The following WDR7 variants were observed in gnomAD, a reference collection of about 807,000 sequenced individuals.
WDR7 encodes the protein WD repeat domain 7.
WDR7 carries 46 observed loss-of-function variants against 169.4 expected under a neutral mutation model. The observed-to-expected ratio is 0.27, with a 90% CI of 0.21 to 0.35. The LOEUF is 0.35. Among genes scored for constraint, WDR7 ranks in the 10% least tolerant of loss-of-function variants. The pLI is 1.00. For missense variants in WDR7, 1,534 were observed against 1,859.3 expected (o/e 0.83, Z 3.22); for synonymous variants, 612 against 666.8 (o/e 0.92, Z 1.27).
intron 22 of WDR7, among the ~76,000 whole-genome samples, chr18:56,929,048 G>A: frequency 6.6e-6 from 1 of 152,142 alleles, no homozygotes; most frequent in East Asian, 1.9e-4. Flanking sequence ...ACTCTGGGAG[G>A]CTGAGGCAGG....
intron 19 of WDR7, among the ~76,000 whole-genome samples, chr18:56,793,420 G>A (rs1440811113): frequency 2.0e-5 from 3 of 152,174 alleles, no homozygotes; most frequent in African/African-American, 7.2e-5. Flanking sequence ...AGTTAAATCT[G>A]TTAATTTGGT....
chr18:56,966,465 TCTTC>T (rs1382031325), intron 26 of WDR7, among the ~76,000 whole-genome samples: 4 of 152,108 alleles, frequency 2.6e-5, no homozygotes, highest in African/African-American at 9.7e-5. Context: ...ATAGATTTTC[TCTTC>T]CTTATGATTT....
intron 9 of WDR7, among the ~76,000 whole-genome samples, chr18:56,694,071 C>T (rs1396645878): frequency 6.6e-6 from 1 of 151,474 alleles, no homozygotes; most frequent in Non-Finnish European, 1.5e-5. Context: ...CAGGATTTCG[C>T]TTAGTTGTCC....
intron 21 of WDR7, among the ~76,000 whole-genome samples, chr18:56,899,938 A>G (rs2046378156): frequency 6.6e-6 from 1 of 151,904 alleles, no homozygotes; most frequent in Non-Finnish European, 1.5e-5. Context: ...TGCATTATTT[A>G]TGTGTGCCTA....
intron 20 of WDR7, among the ~76,000 whole-genome samples, chr18:56,874,990 C>A: frequency 6.6e-6 from 1 of 152,124 alleles, no homozygotes; most frequent in East Asian, 1.9e-4. Flanking sequence ...TTATTAGATT[C>A]TTTATAATAT....
chr18:57,006,766 T>C (rs1230458332), intron 26 of WDR7, among the ~76,000 whole-genome samples: 1 of 152,190 alleles, frequency 6.6e-6, no homozygotes, highest in Non-Finnish European at 1.5e-5. Flanking sequence ...ATACAGAGAC[T>C]AATTGAAATT....
At chr18:56,733,515 A>G (rs1808346) in intron 14 of WDR7, among the ~76,000 whole-genome samples, 139,674 of 152,242 alleles carry the variant, frequency 0.92, 65,257 homozygotes, top group East Asian at 1. Context: ...AATGGAAAGC[A>G]AAGCCTGTAT....
downstream of WDR7, chr18:57,033,624 G>T (rs756821400): frequency 5.9e-5 from 9 of 152,134 alleles, no homozygotes; most frequent in Non-Finnish European, 1.3e-4. Flanking sequence ...CCTACTCCTG[G>T]ATTCTACTGT....
At chr18:56,986,625 C>G (rs1014967547) in intron 26 of WDR7, among the ~76,000 whole-genome samples, 1 of 151,896 alleles carries the variant, frequency 6.6e-6, no homozygotes, top group African/African-American at 2.4e-5. Flanking sequence ...CTGTACAGAA[C>G]CCCAGACAAC....
intron 20 of WDR7, among the ~76,000 whole-genome samples, chr18:56,841,544 TAA>T (rs760187510): frequency 2.1e-4 from 26 of 120,978 alleles, no homozygotes; most frequent in Admixed American, 5.1e-4. Context: ...AGACTCTGTC[TAA>T]AAAAAAAAAA....
At chr18:56,878,554 A>G (rs1240470438) in intron 20 of WDR7, among the ~76,000 whole-genome samples, 1 of 152,234 alleles carries the variant, frequency 6.6e-6, no homozygotes, top group Non-Finnish European at 1.5e-5. Context: ...TCTTTCTAAA[A>G]AAACAAATGT....
intron 16 of WDR7, among the ~76,000 whole-genome samples, chr18:56,773,839 G>A (rs1052975713): frequency 6.6e-6 from 1 of 151,920 alleles, no homozygotes; most frequent in Non-Finnish European, 1.5e-5. Flanking sequence ...TTAAGTACGT[G>A]GTGGTTAATT....
chr18:56,719,330 G>A (rs952147135), intron 13 of WDR7, among the ~76,000 whole-genome samples: 7 of 152,050 alleles, frequency 4.6e-5, no homozygotes, highest in Non-Finnish European at 8.8e-5. Context: ...TTGGGAGGCC[G>A]AGACGGGCGG....
At chr18:56,932,136 G>A (rs1238333166) in intron 22 of WDR7, among the ~76,000 whole-genome samples, 1 of 152,130 alleles carries the variant, frequency 6.6e-6, no homozygotes, top group East Asian at 1.9e-4. Context: ...CACACACACA[G>A]CCCCCAACTT....
At chr18:57,013,232 G>T (rs1266344704) in intron 26 of WDR7, among the ~76,000 whole-genome samples, 1 of 152,112 alleles carries the variant, frequency 6.6e-6, no homozygotes, top group Non-Finnish European at 1.5e-5. Flanking sequence ...ATCTAACACT[G>T]CCACTGACCT....
In WDR7 at chr18:56,788,679, C is replaced by T. The variant is rs148531157; in HGVS notation, c.3190+7023C>T. 5.9e-4 allele frequency among the ~76,000 whole-genome samples: 89 copies of T among 152,076 alleles called. 1 individual carries two copies. The highest frequency in any genetic ancestry group is 2.6e-3 in the Admixed American group (39 of 15,278). ...AAGAGTATTCTAATTGGTGAAAGAA[C>T]GGGAAAGTTACTCATGAAGAACTCA... On this transcript the variant is annotated intron_variant, in intron 19 of 27. Coordinates refer to ENST00000254442, the MANE Select transcript of WDR7 (RefSeq NM_015285.3).
intron 20 of WDR7, among the ~76,000 whole-genome samples, chr18:56,832,204 C>T (rs946809564): frequency 4.4e-4 from 67 of 152,276 alleles, no homozygotes; most frequent in African/African-American, 1.5e-3. Context: ...TTTCCTCTCA[C>T]GGTGTAAACA....
intron 22 of WDR7, among the ~76,000 whole-genome samples, chr18:56,934,547 G>A (rs905594764): frequency 2.6e-5 from 4 of 151,846 alleles, no homozygotes; most frequent in East Asian, 1.9e-4. Flanking sequence ...CCCCTGCTTC[G>A]TCTCTACCCT....
intron 26 of WDR7, among the ~76,000 whole-genome samples, chr18:56,964,895 A>T (rs1025814588): frequency 6.6e-6 from 1 of 152,220 alleles, no homozygotes; most frequent in African/African-American, 2.4e-5. Flanking sequence ...TACCAGTTAT[A>T]TCCAGTGACA....
Sources: gnomAD v4.1 joint callset for allele counts (sites outside exome capture counted in the v4.1 genomes callset) on GRCh38, gnomAD v4.1.1 for gene constraint, MANE v1.5 for transcripts, NCBI Gene and HGNC (gene_info 2026-07-23, HGNC 2026-07-21) for gene names.